Variants in DDX31 observed in about 807,000 individuals in gnomAD.
The protein encoded by DDX31 is DEAD-box helicase 31.
DDX31 carries 70 observed loss-of-function variants against 91.3 expected under a neutral mutation model. The ratio of observed to expected loss-of-function variants is 0.77; its 90% confidence interval spans 0.63 to 0.94. The LOEUF (loss-of-function observed/expected upper bound fraction) is 0.94, where lower values mean the gene tolerates loss of function less well. Among genes scored for constraint, DDX31 ranks in the 40% least tolerant of loss-of-function variants. The pLI is 0.00. For synonymous variants in DDX31, 362 were observed against 350.6 expected (o/e 1.03, Z -0.36); for missense variants, 902 against 925.0 (o/e 0.98, Z 0.32).
chr9:132,617,132 C>T (rs1206841751), intron 18 of DDX31, among the ~76,000 whole-genome samples: 1 of 152,186 alleles, frequency 6.6e-6, no homozygotes, highest in Non-Finnish European at 1.5e-5. Flanking sequence ...GCCAGCACCC[C>T]CTTTCCACCC....
intron 1 of DDX31, among the ~76,000 whole-genome samples, chr9:132,663,983 A>G (rs1835147428): frequency 6.6e-6 from 1 of 152,144 alleles, no homozygotes; most frequent in South Asian, 2.1e-4. Flanking sequence ...CTGGAGCACA[A>G]AAACTCTTAA....
At position 132,654,455 on chromosome 9, in the gene DDX31, C is replaced by CA. The variant is rs201467582; in HGVS notation, c.589-1964dup. ...GTGAAACCCTGTCTCTACAGAAATA[C>CA]AAAAAAAATTAGCCAGGCGTGGTGG... On this transcript the variant is annotated intron_variant, in intron 6 of 19. Coordinates refer to ENST00000372159, the MANE Select transcript of DDX31 (RefSeq NM_022779.9). Among the ~76,000 whole-genome samples, 1,180 of 150,416 alleles carry CA rather than the reference C, an allele frequency of 7.8e-3. 22 individuals carry two copies. Among genetic ancestry groups the CA allele is most frequent in the African/African-American group, 0.027 (1,109 of 40,924 alleles).
In DDX31 at chr9:132,657,082, T is replaced by C. The variant is rs551792840; in HGVS notation, c.588+1589A>G. On this transcript the variant is annotated intron_variant, in intron 6 of 19. Coordinates refer to ENST00000372159, the MANE Select transcript of DDX31 (RefSeq NM_022779.9). Reference sequence around the variant, plus strand: ...TACTTATGAAACTGGGGTCACACTATACACATCATTTTGTAACCTGCCCTT... The same window carrying C: ...TACTTATGAAACTGGGGTCACACTACACACATCATTTTGTAACCTGCCCTT... 7.9e-5 allele frequency among the ~76,000 whole-genome samples: 12 copies of C among 152,374 alleles called. No homozygotes were observed. In the East Asian group the frequency reaches 2.3e-3, roughly 29 times the overall value.
intron 7 of DDX31, 83 bp from the exon 8 acceptor site, chr9:132,651,199 C>A: frequency 6.1e-6 from 7 of 1,138,990 alleles, no homozygotes; most frequent in Non-Finnish European, 7.7e-6. Flanking sequence ...GATTAGGATC[C>A]AAACTTGGAC....
At chr9:132,660,038 T>A (rs1352740629) in intron 4 of DDX31, among the ~76,000 whole-genome samples, 1 of 152,118 alleles carries the variant, frequency 6.6e-6, no homozygotes, top group Non-Finnish European at 1.5e-5. Context: ...CTAATTCTTT[T>A]AAAAATGGGA....
At chr9:132,651,732 G>A (rs571212686) in intron 7 of DDX31, among the ~76,000 whole-genome samples, 5 of 152,132 alleles carry the variant, frequency 3.3e-5, no homozygotes, top group Non-Finnish European at 5.9e-5. Flanking sequence ...ACAGAATCCC[G>A]TTCTTAAAGA....
rs1834649062 is a variant in DDX31 at position 132,657,589 on chromosome 9, T to C, written c.588+1082A>G. 2.0e-5 allele frequency among the ~76,000 whole-genome samples: 3 copies of C among 152,364 alleles called. No individual in the cohort carries two copies. In the East Asian group the frequency reaches 5.8e-4, roughly 29 times the overall value. On this transcript the variant is annotated intron_variant, in intron 6 of 19. Transcript: ENST00000372159. ...TTTATAGACTGTAATGCAACACTAT[T>C]ATTGTCACTCAAATATCAGGTAGGC... is the stretch of plus-strand genomic sequence containing the variant.
intron 14 of DDX31, among the ~76,000 whole-genome samples, chr9:132,637,577 C>T (rs1056602478): frequency 2.6e-5 from 4 of 152,200 alleles, no homozygotes; most frequent in Non-Finnish European, 5.9e-5. Flanking sequence ...TCGCCTCTGA[C>T]GCCTTCCCGG....
At chr9:132,659,630 C>A (rs938696485) in intron 5 of DDX31, 80 bp downstream of exon 5, 2 of 1,443,200 alleles carry the variant, frequency 1.4e-6, no homozygotes, top group African/African-American at 1.4e-5. Context: ...CACCACCAAC[C>A]CAGACACCGC....
chr9:132,641,231 A>C (rs1833486383), intron 14 of DDX31, among the ~76,000 whole-genome samples: 1 of 152,234 alleles, frequency 6.6e-6, no homozygotes, highest in African/African-American at 2.4e-5. Flanking sequence ...ATGGGCATTC[A>C]AACAGCTTAG....
chr9:132,666,633 T>A (rs1425480809), intron 1 of DDX31, among the ~76,000 whole-genome samples: 3 of 152,082 alleles, frequency 2.0e-5, no homozygotes, highest in Non-Finnish European at 4.4e-5. Flanking sequence ...GTGATTCTCG[T>A]GCCTCAGCCT....
chr9:132,627,565 A>G (rs573264985), intron 16 of DDX31, among the ~76,000 whole-genome samples: 9 of 152,374 alleles, frequency 5.9e-5, no homozygotes, highest in African/African-American at 2.2e-4. Flanking sequence ...TGAAGCATTT[A>G]CATTTTAATA....
intron 6 of DDX31, chr9:132,658,344 G>T: frequency 1.4e-6 from 1 of 703,276 alleles, no homozygotes; most frequent in Non-Finnish European, 2.6e-6. Context: ...CGTAAAATGT[G>T]GATAACAGTA....
At chr9:132,662,234 A>G in intron 3 of DDX31, 27 bp downstream of exon 3, 1 of 1,613,112 alleles carries the variant, frequency 6.2e-7, no homozygotes, top group Non-Finnish European at 8.5e-7. Context: ...AAAAAAACTG[A>G]CCCAGAAAAC....
rs114344705 is a variant in DDX31, at chr9:132,625,414, G to A, written c.1713+250C>T. On this transcript the variant is annotated intron_variant, in intron 17 of 19. Coordinates refer to ENST00000372159, the MANE Select transcript of DDX31 (RefSeq NM_022779.9). The stretch of plus-strand genomic sequence containing the variant: ...CTGGCCTGGACCTCCTTTCTGGGGA[G>A]CCTGCTGCTGTCTGGCAGGCTTCCA... Among the ~76,000 whole-genome samples the A allele has an allele frequency of 3.2e-3, 486 of 152,104 alleles. 2 individuals carry two copies. Among genetic ancestry groups the A allele is most frequent in the African/African-American group, 0.011 (464 of 41,498 alleles).
intron 16 of DDX31, among the ~76,000 whole-genome samples, chr9:132,626,227 CCT>C (rs1363329215): frequency 2.6e-5 from 4 of 152,326 alleles, no homozygotes; most frequent in Admixed American, 2.0e-4. Context: ...GGCACAAAGC[CCT>C]GTCCCAGCAG....
chr9:132,641,542 T>C (rs1310201035), intron 14 of DDX31, among the ~76,000 whole-genome samples: 2 of 152,192 alleles, frequency 1.3e-5, no homozygotes, highest in African/African-American at 4.8e-5. Context: ...CTGCAGAGCC[T>C]GAGGCTGAGG....
chr9:132,615,353 C>G (rs1030778821), intron 18 of DDX31, among the ~76,000 whole-genome samples: 7 of 151,768 alleles, frequency 4.6e-5, no homozygotes, highest in Non-Finnish European at 7.3e-5. Flanking sequence ...CTCCCAACCC[C>G]ACCTCCACTC....
At position 132,657,073 on chromosome 9, in the gene DDX31, G is replaced by T. The variant is rs74757725; in HGVS notation, c.588+1598C>A. Among the ~76,000 whole-genome samples the T allele has an allele frequency of 2.6e-3, 389 of 152,300 alleles. 1 individual carries two copies. The highest frequency in any genetic ancestry group is 9.0e-3 in the African/African-American group (376 of 41,566). ...CACAACTATTACTTATGAAACTGGG[G>T]TCACACTATACACATCATTTTGTAA... is the stretch of plus-strand genomic sequence containing the variant. On this transcript the variant is annotated intron_variant, in intron 6 of 19. Coordinates refer to ENST00000372159, the MANE Select transcript of DDX31 (RefSeq NM_022779.9).
Sources: allele counts gnomAD v4.1 joint callset (sites outside exome capture counted in the v4.1 genomes callset), GRCh38; gene constraint gnomAD v4.1.1; transcripts MANE v1.5; gene names NCBI Gene and HGNC (gene_info 2026-07-23, HGNC 2026-07-21).